DCDC1: variants seen among roughly 807,000 people sequenced by gnomAD.
DCDC1 encodes the protein doublecortin domain-containing protein 1.
Under a neutral mutation model 178.3 loss-of-function variants are expected in DCDC1, and 200 were observed. The observed-to-expected ratio is 1.12, with a 90% CI of 1.00 to 1.26. The LOEUF is 1.26. Ranked by LOEUF, DCDC1 falls within the 50% of genes most tolerant of loss-of-function variation. DCDC1 has a pLI of 0.00. For missense variants in DCDC1, 1,983 were observed against 1,749.2 expected (o/e 1.13, Z -2.38); for synonymous variants, 690 against 604.8 (o/e 1.14, Z -2.07).
intron 11 of DCDC1, among the ~76,000 whole-genome samples, chr11:31,115,996 T>TGGGGG (rs1555066794): frequency 9.6e-4 from 43 of 44,948 alleles, no homozygotes; most frequent in Non-Finnish European, 1.3e-3. Flanking sequence ...GGGGGGGGGA[T>TGGGGG]GGGTATCTCA....
At chr11:31,030,713 T>G (rs201559222) in intron 20 of DCDC1, among the ~76,000 whole-genome samples, 1 of 152,194 alleles carries the variant, frequency 6.6e-6, no homozygotes, top group East Asian at 1.9e-4. Flanking sequence ...ACCACTCATG[T>G]GGAAAACAGC....
At position 30,920,699 on chromosome 11, in the gene DCDC1, C is replaced by A; in HGVS notation, c.3293+77G>T. 6 of 1,549,402 alleles carry A rather than the reference C, an allele frequency of 3.9e-6. No individual in the cohort carries two copies. The Admixed American group carries it at 1.1e-4, about 29-fold the overall frequency. On this transcript the variant is annotated intron_variant, in intron 25 of 38. Coordinates refer to ENST00000684477, the MANE Select transcript of DCDC1 (RefSeq NM_001387274.1). ...ACTTGGCATGAGCTCCCTGCATGGG[C>A]TCTGTGCTGTTATCGGGCTAATGAG...
chr11:31,215,642 A>T (rs900970416), intron 9 of DCDC1, among the ~76,000 whole-genome samples: 3 of 151,976 alleles, frequency 2.0e-5, no homozygotes, highest in Non-Finnish European at 4.4e-5. Context: ...AAATACAAAA[A>T]ATTAGCCGGG....
At chr11:30,901,251 A>G (rs1944649216) in intron 32 of DCDC1, among the ~76,000 whole-genome samples, 1 of 152,138 alleles carries the variant, frequency 6.6e-6, no homozygotes, top group Non-Finnish European at 1.5e-5. Context: ...TAGAAAATTA[A>G]TATATATTGA....
At chr11:30,967,685 T>C (rs1330232051) in intron 20 of DCDC1, among the ~76,000 whole-genome samples, 1 of 152,132 alleles carries the variant, frequency 6.6e-6, no homozygotes, top group East Asian at 1.9e-4. Context: ...TCAAAGAGAT[T>C]AGAACTTATA....
chr11:31,037,438 T>TC (rs1175006582), intron 20 of DCDC1, among the ~76,000 whole-genome samples: 2 of 147,774 alleles, frequency 1.4e-5, no homozygotes, highest in East Asian at 1.9e-4. Context: ...CTTTCTTTTT[T>TC]TTTTTTTTTT....
Position 30,863,824 on chromosome 11 carries a change from T to A in DCDC1, c.*1549A>T, listed in dbSNP as rs1230275280. On this transcript the variant is annotated 3_prime_UTR_variant, in exon 39 of 39. Transcript: ENST00000684477. ...AAGTTCTGTGACAAACATCCACAGT[T>A]CTGTGCACAAACATTTTTTGGGCTG... 6.6e-6 allele frequency: 1 copy of A among 152,196 alleles called. No individual in the cohort carries two copies. Among genetic ancestry groups the A allele is most frequent in the Non-Finnish European group, 1.5e-5 (1 of 68,036 alleles). The allele number at this position is 152,196 out of a possible 1,614,324, so 9.4% of individuals were successfully genotyped here. A position where few individuals can be genotyped will look rare whatever the true frequency, so the allele number is the denominator to read the frequency against.
chr11:31,064,143 A>G (rs907462896), intron 20 of DCDC1, among the ~76,000 whole-genome samples: 1 of 152,188 alleles, frequency 6.6e-6, no homozygotes, highest in Non-Finnish European at 1.5e-5. Context: ...TCTTCAACAT[A>G]GCTTGGTATT....
intron 18 of DCDC1, among the ~76,000 whole-genome samples, chr11:31,066,098 C>A (rs143932122): frequency 8.5e-5 from 13 of 152,166 alleles, no homozygotes; most frequent in African/African-American, 3.1e-4. Context: ...TATGTTAATC[C>A]GGCCCATCTC....
chr11:30,988,481 C>T (rs1950783841), intron 20 of DCDC1, among the ~76,000 whole-genome samples: 1 of 151,784 alleles, frequency 6.6e-6, no homozygotes, highest in Admixed American at 6.6e-5. Flanking sequence ...GGAAAATAAG[C>T]ACTCTATTTG....
chr11:30,870,381 A>C (rs1941424950), intron 38 of DCDC1, among the ~76,000 whole-genome samples: 1 of 152,076 alleles, frequency 6.6e-6, no homozygotes, highest in Non-Finnish European at 1.5e-5. Flanking sequence ...ACTATTTCCA[A>C]CTCAAAGCAC....
At chr11:31,313,960 A>T (rs993212060) in intron 3 of DCDC1, among the ~76,000 whole-genome samples, 1 of 152,156 alleles carries the variant, frequency 6.6e-6, no homozygotes. Context: ...CTGGAAGTGT[A>T]TATGTCTCTA....
chr11:30,925,382 G>C lies in DCDC1; in HGVS notation c.2924C>G (p.Ser975Cys), dbSNP rs1286815681. 1 of 1,613,746 alleles carries C rather than the reference G, an allele frequency of 6.2e-7. No individual in the cohort carries two copies. Among genetic ancestry groups the C allele is most frequent in the Non-Finnish European group, 8.5e-7 (1 of 1,179,774 alleles). ...TTCATTGTACAATCTCCGAGCTGCA[G>C]AAGGTAAATTTAAAATCTCAGTGCA... The part of the protein sequence containing the change: ...TQCTEILNLP[S>C]AARRLYNEKG... Residue 975 changes from serine to cysteine, a missense_variant, in exon 23 of 39, where the codon TCT (serine) becomes TGT (cysteine). By Grantham distance (112) the Ser-to-Cys change is moderately radical. Coordinates refer to ENST00000684477, the MANE Select transcript of DCDC1 (RefSeq NM_001387274.1).
At chr11:30,873,385 A>AGC (rs1941813575) in intron 38 of DCDC1, among the ~76,000 whole-genome samples, 1 of 151,090 alleles carries the variant, frequency 6.6e-6, no homozygotes, top group African/African-American at 2.4e-5. Flanking sequence ...AGAGAGAGAG[A>AGC]GAACAAACTG....
intron 17 of DCDC1, among the ~76,000 whole-genome samples, chr11:31,089,518 T>C (rs1038464743): frequency 9.9e-5 from 15 of 152,104 alleles, no homozygotes; most frequent in Admixed American, 9.8e-4. Context: ...TTTCCTCCAA[T>C]ATTTTTCTTT....
intron 8 of DCDC1, among the ~76,000 whole-genome samples, chr11:31,261,976 A>G (rs1342798080): frequency 6.6e-6 from 1 of 151,518 alleles, no homozygotes; most frequent in African/African-American, 2.4e-5. Flanking sequence ...TTACTGGAGA[A>G]AAAAAAAAGC....
chr11:31,294,337 TTCGGGTGGCCG>T (rs1947445005), intron 6 of DCDC1, among the ~76,000 whole-genome samples: 2 of 151,794 alleles, frequency 1.3e-5, no homozygotes, highest in Non-Finnish European at 2.9e-5. Flanking sequence ...TACCCAGCAC[TTCGGGTGGCCG>T]AGGCAGTTGG....
At chr11:30,934,610 C>A (rs1947153718) in intron 21 of DCDC1, among the ~76,000 whole-genome samples, 1 of 152,200 alleles carries the variant, frequency 6.6e-6, no homozygotes, top group Non-Finnish European at 1.5e-5. Flanking sequence ...GATCCGACCT[C>A]TGCAACGTGG....
intron 38 of DCDC1, among the ~76,000 whole-genome samples, chr11:30,869,979 G>A (rs1040635490): frequency 3.9e-5 from 6 of 152,108 alleles, no homozygotes; most frequent in Non-Finnish European, 5.9e-5. Context: ...CTCTGGGGGT[G>A]GGGGTGTGTG....
Sources: gnomAD v4.1 joint callset for allele counts (sites outside exome capture counted in the v4.1 genomes callset) on GRCh38, gnomAD v4.1.1 for gene constraint, MANE v1.5 for transcripts, NCBI Gene and HGNC (gene_info 2026-07-23, HGNC 2026-07-21) for gene names.